PPFIA2: variants seen among roughly 807,000 people sequenced by gnomAD.
PPFIA2 encodes the protein PPFI scaffold protein A2, also known as liprin-alpha-2.
In PPFIA2, 46 loss-of-function variants were observed where a neutral mutation model predicts 175.5. That is an observed-to-expected ratio of 0.26 (90% CI 0.21 to 0.34). The LOEUF (loss-of-function observed/expected upper bound fraction) is 0.34, where lower values mean the gene tolerates loss of function less well. Among genes scored for constraint, PPFIA2 ranks in the 10% least tolerant of loss-of-function variants. The pLI, the probability that PPFIA2 is intolerant of heterozygous loss-of-function variation, is 1.00. For missense variants in PPFIA2, 1,179 were observed against 1,506.1 expected, an observed-to-expected ratio of 0.78 and a Z score of 3.60; for synonymous variants, 568 against 511.4, an observed-to-expected ratio of 1.11 and a Z score of -1.49.
intron 4 of PPFIA2, among the ~76,000 whole-genome samples, chr12:81,494,374 C>A (rs1158809602): frequency 1.3e-5 from 2 of 152,108 alleles, no homozygotes; most frequent in African/African-American, 2.4e-5. Context: ...CAGAGAAATG[C>A]AAATCAAAAC....
intron 4 of PPFIA2, among the ~76,000 whole-genome samples, chr12:81,647,610 A>T (rs981315451): frequency 2.0e-5 from 3 of 151,086 alleles, no homozygotes; most frequent in Non-Finnish European, 4.4e-5. Context: ...AAGTACAAAA[A>T]ATTAGCCGGG....
rs2039494920 is a variant in PPFIA2 at position 81,272,835 on chromosome 12, A to G, written c.3310+4482T>C. ...TAATTCCAATTAAAGATTGAGATAA[A>G]TCAATGCTAGATTTCAATTTTAACA... On this transcript the variant is annotated intron_variant, in intron 28 of 32. Coordinates refer to ENST00000549396, the MANE Select transcript of PPFIA2 (RefSeq NM_003625.5). Among the ~76,000 whole-genome samples, 5 of 152,214 alleles carry G rather than the reference A, an allele frequency of 3.3e-5. No homozygotes were observed. The South Asian group carries it at 1.0e-3, about 32-fold the overall frequency.
intron 7 of PPFIA2, among the ~76,000 whole-genome samples, chr12:81,412,410 G>A (rs1462257296): frequency 2.7e-5 from 4 of 147,716 alleles, no homozygotes; most frequent in Non-Finnish European, 4.5e-5. Context: ...CTCTTATAAT[G>A]TGCCAGAAAC....
intron 4 of PPFIA2, among the ~76,000 whole-genome samples, chr12:81,496,877 T>C (rs913333980): frequency 1.3e-5 from 2 of 152,166 alleles, no homozygotes; most frequent in African/African-American, 2.4e-5. Flanking sequence ...TCTGAGAAGT[T>C]GGATATCCTA....
At chr12:81,319,440 G>A (rs2053176347) in intron 22 of PPFIA2, among the ~76,000 whole-genome samples, 1 of 151,816 alleles carries the variant, frequency 6.6e-6, no homozygotes, top group Non-Finnish European at 1.5e-5. Flanking sequence ...CTCTATTTTA[G>A]TGAAAACAGA....
chr12:81,341,712 T>C (rs902980836), intron 19 of PPFIA2, among the ~76,000 whole-genome samples: 21 of 152,274 alleles, frequency 1.4e-4, no homozygotes, highest in African/African-American at 5.1e-4. Flanking sequence ...TTGCTGACTA[T>C]TGATCTATAG....
At chr12:81,475,912 C>G (rs2057413201) in intron 4 of PPFIA2, among the ~76,000 whole-genome samples, 1 of 152,106 alleles carries the variant, frequency 6.6e-6, no homozygotes, top group Non-Finnish European at 1.5e-5. Flanking sequence ...GGGGTTTCAC[C>G]TTGTTAGCCA....
At chr12:81,276,516 T>C (rs146955793) in intron 28 of PPFIA2, among the ~76,000 whole-genome samples, 4 of 152,324 alleles carry the variant, frequency 2.6e-5, no homozygotes, top group African/African-American at 7.2e-5. Context: ...GAATAGAATC[T>C]AACATATTCC....
intron 4 of PPFIA2, among the ~76,000 whole-genome samples, chr12:81,459,120 T>C (rs924409512): frequency 6.6e-6 from 1 of 152,168 alleles, no homozygotes; most frequent in African/African-American, 2.4e-5. Context: ...GATCTCAGAG[T>C]AGGCTTCAGG....
At chr12:81,671,239 TCTCAATAGGCCTC>T (rs1480023366) in intron 4 of PPFIA2, among the ~76,000 whole-genome samples, 19 of 151,940 alleles carry the variant, frequency 1.3e-4, no homozygotes, top group Admixed American at 2.6e-4. Flanking sequence ...AGCCTTGACT[TCTCAATAGGCCTC>T]AGTCTGCTTC....
intron 4 of PPFIA2, among the ~76,000 whole-genome samples, chr12:81,496,707 G>A (rs1276838594): frequency 6.6e-6 from 1 of 152,168 alleles, no homozygotes; most frequent in East Asian, 1.9e-4. Flanking sequence ...AACCCTCTGG[G>A]ATAGAATGGG....
chr12:81,345,001 TAGA>T (rs1218984894), intron 18 of PPFIA2, among the ~76,000 whole-genome samples: 15 of 152,124 alleles, frequency 9.9e-5, no homozygotes, highest in Middle Eastern at 3.2e-3. Context: ...TGAGTCTAGC[TAGA>T]AGAGTGAGCT....
intron 28 of PPFIA2, among the ~76,000 whole-genome samples, chr12:81,275,463 ATTGT>A (rs2040274181): frequency 6.6e-6 from 1 of 152,208 alleles, no homozygotes; most frequent in East Asian, 1.9e-4. Context: ...AATTTCTGAC[ATTGT>A]TTATCAAAAA....
intron 21 of PPFIA2, among the ~76,000 whole-genome samples, chr12:81,335,243 A>G (rs1241307127): frequency 6.6e-6 from 1 of 152,136 alleles, no homozygotes; most frequent in African/African-American, 2.4e-5. Flanking sequence ...AATAATGAAA[A>G]TATCAGAGAT....
At chr12:81,658,081 C>A (rs530783418) in intron 4 of PPFIA2, among the ~76,000 whole-genome samples, 2 of 152,024 alleles carry the variant, frequency 1.3e-5, no homozygotes, top group East Asian at 3.9e-4. Context: ...CCAGCCTGAC[C>A]AACAAGGAGA....
intron 4 of PPFIA2, among the ~76,000 whole-genome samples, chr12:81,490,000 T>C (rs1216845247): frequency 6.6e-6 from 1 of 151,930 alleles, no homozygotes; most frequent in Non-Finnish European, 1.5e-5. Flanking sequence ...TTACAATCTT[T>C]CTTTTGTATG....
intron 17 of PPFIA2, among the ~76,000 whole-genome samples, chr12:81,350,231 T>A (rs1346484896): frequency 6.6e-6 from 1 of 152,190 alleles, no homozygotes; most frequent in East Asian, 1.9e-4. Context: ...CTGAACAGCC[T>A]CAGAAAGTGT....
chr12:81,524,063 A>T (rs1309834263), intron 4 of PPFIA2, among the ~76,000 whole-genome samples: 1 of 152,162 alleles, frequency 6.6e-6, no homozygotes, highest in Admixed American at 6.5e-5. Flanking sequence ...CCCCCAGCAA[A>T]GCTGTGGGAG....
chr12:81,431,602 T>C (rs1419393921), intron 7 of PPFIA2, among the ~76,000 whole-genome samples: 3 of 152,188 alleles, frequency 2.0e-5, no homozygotes, highest in Non-Finnish European at 4.4e-5. Flanking sequence ...ACATAAGAAA[T>C]GCCACACTAA....
Sources: gnomAD v4.1 joint callset for allele counts (sites outside exome capture counted in the v4.1 genomes callset) on GRCh38, gnomAD v4.1.1 for gene constraint, MANE v1.5 for transcripts, NCBI Gene and HGNC (gene_info 2026-07-23, HGNC 2026-07-21) for gene names.